The following CPLANE2 variants were observed in gnomAD, a reference collection of about 807,000 sequenced individuals.
CPLANE2 encodes the protein ciliogenesis and planar polarity effector 2.
A neutral mutation model predicts 20.9 loss-of-function variants in CPLANE2; 24 were observed. The observed-to-expected ratio is 1.15, with a 90% CI of 0.83 to 1.61. CPLANE2 has a LOEUF of 1.61. Ranked by LOEUF, CPLANE2 falls within the 40% of genes most tolerant of loss-of-function variation. The probability of loss-of-function intolerance (pLI) is 0.00; values close to 1 mark genes in which losing one functional copy is unlikely to be tolerated. For missense variants in CPLANE2, 330 were observed against 355.1 expected, an observed-to-expected ratio of 0.93 and a Z score of 0.57; for synonymous variants, 132 against 144.3, an observed-to-expected ratio of 0.92 and a Z score of 0.61.
chr1:16,232,835 C>G (rs553695598), intron 3 of CPLANE2, 58 bp downstream of exon 3: 90 of 1,604,502 alleles, frequency 5.6e-5, no homozygotes, highest in Admixed American at 1.0e-4. Flanking sequence ...GTGCCTTGAG[C>G]TCATTAATAC....
At position 16,237,171 on chromosome 1, in the gene CPLANE2, C is replaced by T. The variant is rs961177370; in HGVS notation, c.-429G>A. 1 of 156,678 alleles carries T rather than the reference C, an allele frequency of 6.4e-6. No individual in the cohort carries two copies. The highest frequency in any genetic ancestry group is 1.4e-5 in the Non-Finnish European group (1 of 70,612). 9.7% of individuals were successfully genotyped at this position (156,678 alleles called of 1,614,324 possible). A position where few individuals can be genotyped will look rare whatever the true frequency, so the allele number is the denominator to read the frequency against. On this transcript the variant is annotated 5_prime_UTR_variant, in exon 1 of 5. Coordinates refer to ENST00000375599, the MANE Select transcript of CPLANE2 (RefSeq NM_030907.4). ...GCCCCGCCTGCGTCCGCCTTCTGCG[C>T]GTGCTGGCAGCTCCGGCGCAGGTGC...
intron 1 of CPLANE2, among the ~76,000 whole-genome samples, chr1:16,234,798 T>A (rs2081451436): frequency 6.6e-6 from 1 of 152,108 alleles, no homozygotes; most frequent in South Asian, 2.1e-4. Flanking sequence ...AATGGTGTGA[T>A]CTCACTGCAA....
chr1:16,231,798 T>C lies in CPLANE2; in HGVS notation c.*250A>G. On this transcript the variant is annotated 3_prime_UTR_variant, in exon 5 of 5. Coordinates refer to ENST00000375599, the MANE Select transcript of CPLANE2 (RefSeq NM_030907.4). ...TGAGAGGCACCCCCTCTCCCAGTCA[T>C]CCTCCATCGGTGCTGCCAAAGGGGG... The C allele has an allele frequency of 1.8e-6, 1 of 571,020 alleles. No homozygotes were observed. The highest frequency in any genetic ancestry group is 3.1e-6 in the Non-Finnish European group (1 of 323,384). 35.4% of individuals were successfully genotyped at this position (571,020 alleles called of 1,614,324 possible). A position where few individuals can be genotyped will look rare whatever the true frequency, so the allele number is the denominator to read the frequency against.
chr1:16,231,972 A>G lies in CPLANE2; in HGVS notation c.*76T>C, dbSNP rs553153055. ...CTGGCCAGTCCTCCAGATAGGATCC[A>G]TGTTCCTGCCCCAGCCTCCAGCCCT... On this transcript the variant is annotated 3_prime_UTR_variant, in exon 5 of 5. Transcript: ENST00000375599. The G allele has an allele frequency of 9.5e-5, 147 of 1,550,892 alleles. 1 individual carries two copies. The Admixed American group carries it at 2.5e-3, about 27-fold the overall frequency.
At position 16,233,871 on chromosome 1, in the gene CPLANE2, A is replaced by G. The variant is rs189840283; in HGVS notation, c.113-107T>C. The G allele has an allele frequency of 2.3e-3, 2,783 of 1,198,226 alleles. 5 individuals are homozygous for G. The highest frequency in any genetic ancestry group is 2.9e-3 in the Non-Finnish European group (2,442 of 839,524). 74.2% of individuals were successfully genotyped at this position (1,198,226 alleles called of 1,614,324 possible). A position where few individuals can be genotyped will look rare whatever the true frequency, so the allele number is the denominator to read the frequency against. ...AATCGCCAATGCACCAGTGTTAGGA[A>G]GTGGGGCCTAACACAAGGTGATCAG... On this transcript the variant is annotated intron_variant, in intron 1 of 4. Transcript: ENST00000375599.
intron 1 of CPLANE2, 43 bp downstream of exon 1, chr1:16,236,588 G>T: frequency 6.9e-7 from 1 of 1,456,858 alleles, no homozygotes; most frequent in Non-Finnish European, 9.4e-7. Context: ...TTCTCCCCAG[G>T]GAAAGACAAG....
At position 16,231,933 on chromosome 1, in the gene CPLANE2, C is replaced by T. The variant is rs539532723; in HGVS notation, c.*115G>A. 2 of 1,444,290 alleles carry T rather than the reference C, an allele frequency of 1.4e-6. No homozygotes were observed. Among genetic ancestry groups the T allele is most frequent in the Non-Finnish European group, 1.9e-6 (2 of 1,066,460 alleles). The allele number at this position is 1,444,290 out of a possible 1,614,324, so 89.5% of individuals were successfully genotyped here. ...TGGGCCTTCTCTGGCCACATCCTCCCTGATCAGGCCATGCTGGCCAGTCCT... is the reference window on the plus strand; with the variant it reads ...TGGGCCTTCTCTGGCCACATCCTCCTTGATCAGGCCATGCTGGCCAGTCCT... On this transcript the variant is annotated 3_prime_UTR_variant, in exon 5 of 5. Coordinates refer to ENST00000375599, the MANE Select transcript of CPLANE2 (RefSeq NM_030907.4).
intron 1 of CPLANE2, 74 bp from the exon 2 acceptor site, chr1:16,233,838 G>A: frequency 6.4e-7 from 1 of 1,560,392 alleles, no homozygotes; most frequent in African/African-American, 1.4e-5. Flanking sequence ...TTCATGTGTT[G>A]GAAACTTAAT....
At chr1:16,233,151 C>T in intron 2 of CPLANE2, 134 bp from the exon 3 acceptor site, 1 of 986,636 alleles carries the variant, frequency 1.0e-6, no homozygotes, top group Non-Finnish European at 1.5e-6. Flanking sequence ...GAGGCACAGT[C>T]CTTGACCCGG....
chr1:16,234,080 C>A (rs1221846037), intron 1 of CPLANE2, among the ~76,000 whole-genome samples: 1 of 152,132 alleles, frequency 6.6e-6, no homozygotes, highest in African/African-American at 2.4e-5. Flanking sequence ...GAACCATGAG[C>A]CAAATAAGCT....
rs754009061 is a variant in CPLANE2 at position 16,232,275 on chromosome 1, C to T, written c.550G>A (p.Asp184Asn). ...GSKFDQYMHT[D>N]VPERDLTAFR... ...GCTGTGAGGTCCCGCTCGGGCACGT[C>T]CGTGTGCATGTACTGGTCAAATCTG... The change falls in exon 5 of 5, where the codon GAC (aspartate) becomes AAC (asparagine). Residue 184 changes from aspartate to asparagine, a missense_variant. Physicochemically the swap from Asp to Asn is conservative, Grantham distance 23. Transcript: ENST00000375599. 1.2e-6 allele frequency: 2 copies of T among 1,608,624 alleles called. No homozygotes were observed. The highest frequency in any genetic ancestry group is 2.2e-5 in the South Asian group (2 of 90,698).
At position 16,232,266 on chromosome 1, in the gene CPLANE2, C is replaced by A; in HGVS notation, c.559G>T (p.Glu187Ter). The change falls in exon 5 of 5, where the codon GAG becomes TAG. Residue 187 changes from glutamate to a stop codon, truncating the protein, a stop_gained. Transcript: ENST00000375599. LOFTEE classifies it high-confidence loss of function. ...FDQYMHTDVPERDLTAFRQAW... is the reference protein window; with the variant it reads ...FDQYMHTDVP Reference sequence around the variant, plus strand: ...TGCCGGAAGGCTGTGAGGTCCCGCTCGGGCACGTCCGTGTGCATGTACTGG... The same window carrying A: ...TGCCGGAAGGCTGTGAGGTCCCGCTAGGGCACGTCCGTGTGCATGTACTGG... The A allele has an allele frequency of 6.2e-7, 1 of 1,609,144 alleles. No individual in the cohort carries two copies. Among genetic ancestry groups the A allele is most frequent in the Non-Finnish European group, 8.5e-7 (1 of 1,179,236 alleles).
chr1:16,233,856 G>T, intron 1 of CPLANE2, 92 bp from the exon 2 acceptor site: 1 of 1,416,414 alleles, frequency 7.1e-7, no homozygotes, highest in Non-Finnish European at 9.8e-7. Context: ...AATCGCCAAT[G>T]CACCAGTGTT....
At chr1:16,234,700 G>A (rs2081450816) in intron 1 of CPLANE2, among the ~76,000 whole-genome samples, 1 of 151,944 alleles carries the variant, frequency 6.6e-6, no homozygotes, top group African/African-American at 2.4e-5. Flanking sequence ...CATTTCTAAT[G>A]GCTTCTTCAG....
In CPLANE2 at chr1:16,232,310, C is replaced by T; in HGVS notation, c.528-13G>A. 1 of 1,597,204 alleles carries T rather than the reference C, an allele frequency of 6.3e-7. No homozygotes were observed. ...GTACTGGTCAAATCTGGAGGAGGGTCAAGGAGCCTAACTGGGTGCCTCTGC... is the reference window on the plus strand; with the variant it reads ...GTACTGGTCAAATCTGGAGGAGGGTTAAGGAGCCTAACTGGGTGCCTCTGC... On this transcript the variant is annotated splice_polypyrimidine_tract_variant and intron_variant, in intron 4 of 4. Coordinates refer to ENST00000375599, the MANE Select transcript of CPLANE2 (RefSeq NM_030907.4).
intron 1 of CPLANE2, among the ~76,000 whole-genome samples, chr1:16,236,182 G>T (rs2081464530): frequency 6.6e-6 from 1 of 152,214 alleles, no homozygotes; most frequent in African/African-American, 2.4e-5. Flanking sequence ...GGGTGAGTCA[G>T]TTTCACCATG....
rs199968201 is a variant in CPLANE2 at position 16,232,204 on chromosome 1, C to T, written c.621G>A (p.Val207=). The change falls in exon 5 of 5, where the codon GTG becomes GTA. Residue 207 remains valine (V), a synonymous_variant. Transcript: ENST00000375599. ...GCCCATCAGCCAGCCGCCGCCCCGG[C>T]ACACTCTTCACCCGTAGCAGGGGCA... The part of the protein sequence containing the change: ...WELPLLRVKS[V]PGRRLADGRT... The T allele has an allele frequency of 5.0e-6, 8 of 1,612,702 alleles. No homozygotes were observed. The African/African-American group carries it at 1.1e-4, about 21-fold the overall frequency.
chr1:16,233,732 C>G lies in CPLANE2; in HGVS notation c.145G>C (p.Val49Leu). 2 of 1,614,116 alleles carry G rather than the reference C, an allele frequency of 1.2e-6. No homozygotes were observed. The highest frequency in any genetic ancestry group is 2.2e-5 in the South Asian group (2 of 91,086). ...LLERPVLLPP[V>L]SIDTASYKIF... ...TTGTAGCTGGCAGTGTCAATGGACA[C>G]AGGCGGCAGCAGCACTGGCCGCTCA... Residue 49 changes from valine (V) to leucine (L), a missense_variant, in exon 2 of 5, where the codon GTG (valine) becomes CTG (leucine). By Grantham distance (32) the Val-to-Leu change is conservative (BLOSUM62 1). Transcript: ENST00000375599.
intron 1 of CPLANE2, among the ~76,000 whole-genome samples, chr1:16,236,018 AAAAC>A (rs977366892): frequency 1.1e-4 from 17 of 152,192 alleles, no homozygotes; most frequent in Non-Finnish European, 1.5e-4. Context: ...TTCTTTTAAA[AAAAC>A]AAACAAACAG....
Sources: allele counts gnomAD v4.1 joint callset (sites outside exome capture counted in the v4.1 genomes callset), GRCh38; gene constraint gnomAD v4.1.1; transcripts MANE v1.5; gene names NCBI Gene and HGNC (gene_info 2026-07-23, HGNC 2026-07-21).